SAMD12: variants seen among roughly 807,000 people sequenced by gnomAD.
The protein encoded by SAMD12 is sterile alpha motif domain-containing protein 12.
SAMD12 carries 9 observed loss-of-function variants against 15.0 expected under a neutral mutation model. That is an observed-to-expected ratio of 0.60 (90% confidence interval 0.36 to 1.05). SAMD12 has a LOEUF of 1.05. Ranked by LOEUF, SAMD12 falls within the 50% of genes least tolerant of loss-of-function variation. The pLI is 0.01. For missense variants in SAMD12, 230 were observed against 234.2 expected (o/e 0.98, Z 0.12); for synonymous variants, 86 against 90.1 (o/e 0.96, Z 0.25).
intron 4 of SAMD12, among the ~76,000 whole-genome samples, chr8:118,299,329 C>A (rs1022406965): frequency 2.6e-5 from 4 of 152,094 alleles, no homozygotes; most frequent in Admixed American, 6.6e-5. Flanking sequence ...AGAAAGCAGG[C>A]AGGTAAGAGA....
rs575875426 is a variant in SAMD12 at position 118,467,379 on chromosome 8, C to T, written c.193-27418G>A. 2.6e-5 allele frequency among the ~76,000 whole-genome samples: 4 copies of T among 152,300 alleles called. No individual in the cohort carries two copies. The South Asian group carries it at 8.3e-4, about 32-fold the overall frequency. ...AACTAAGTGATATAATCCACGTACA[C>T]TGCTTGGATTGATGCCTCCCACATA... On this transcript the variant is annotated intron_variant, in intron 2 of 3. Transcript: ENST00000314727.
chr8:118,338,181 C>T (rs1817177573), intron 4 of SAMD12, among the ~76,000 whole-genome samples: 3 of 152,182 alleles, frequency 2.0e-5, no homozygotes, highest in Non-Finnish European at 1.5e-5. Flanking sequence ...TAATGTATAA[C>T]TACTCTACAG....
At chr8:118,193,366 C>T (rs1427331757) in exon 5 of SAMD12, 1 of 152,172 alleles carries the variant, frequency 6.6e-6, no homozygotes, top group African/African-American at 2.4e-5. Flanking sequence ...CTCTCTTTTA[C>T]CTTGAAGCTA....
At chr8:118,482,460 A>AT (rs1491062645) in intron 2 of SAMD12, among the ~76,000 whole-genome samples, 2 of 151,066 alleles carry the variant, frequency 1.3e-5, no homozygotes, top group East Asian at 2.0e-4. Flanking sequence ...TGGACGGGAA[A>AT]TATATATTTT....
At position 118,256,037 on chromosome 8, in the gene SAMD12, C is replaced by G. The variant is rs971504495; in HGVS notation, c.434-58305G>C. 1.2e-3 allele frequency among the ~76,000 whole-genome samples: 181 copies of G among 152,186 alleles called. 1 individual carries two copies. The highest frequency in any genetic ancestry group is 2.6e-3 in the African/African-American group (109 of 41,548). On this transcript the variant is annotated intron_variant, in intron 4 of 4. Transcript: ENST00000409003. Reference sequence around the variant, plus strand: ...ACCTGTTGTTTCCTGACTTTTTAATCATTGCCATTCTAACTGGTGTGAGAT... The same window carrying G: ...ACCTGTTGTTTCCTGACTTTTTAATGATTGCCATTCTAACTGGTGTGAGAT...
intron 4 of SAMD12, among the ~76,000 whole-genome samples, chr8:118,297,235 T>C (rs1270857915): frequency 6.6e-6 from 1 of 152,236 alleles, no homozygotes; most frequent in Non-Finnish European, 1.5e-5. Context: ...GAACATCTTT[T>C]TGACAGTTGA....
At chr8:118,350,149 C>T (rs114000674) in intron 4 of SAMD12, among the ~76,000 whole-genome samples, 412 of 152,280 alleles carry the variant, frequency 2.7e-3, no homozygotes, top group African/African-American at 9.5e-3. Context: ...AGCCCTTCAC[C>T]TATTACCAGC....
intron 4 of SAMD12, among the ~76,000 whole-genome samples, chr8:118,259,464 G>A (rs553593435): frequency 2.0e-5 from 3 of 152,200 alleles, no homozygotes; most frequent in Admixed American, 6.5e-5. Context: ...CAGTGCACAG[G>A]TCAGGTCCTC....
At chr8:118,360,058 C>T (rs1449805620) in intron 4 of SAMD12, among the ~76,000 whole-genome samples, 1 of 152,186 alleles carries the variant, frequency 6.6e-6, no homozygotes, top group Non-Finnish European at 1.5e-5. Flanking sequence ...TCCTACCCTG[C>T]TCAGGAGATC....
chr8:118,477,522 C>G (rs1455481909), intron 2 of SAMD12, among the ~76,000 whole-genome samples: 1 of 152,164 alleles, frequency 6.6e-6, no homozygotes, highest in East Asian at 1.9e-4. Context: ...AAATTATTTA[C>G]TTTTTCCATT....
chr8:118,220,198 G>T (rs958871078), intron 4 of SAMD12, among the ~76,000 whole-genome samples: 6 of 152,200 alleles, frequency 3.9e-5, no homozygotes, highest in African/African-American at 1.4e-4. Flanking sequence ...CAGTGTGAGT[G>T]AACCTTTTGG....
chr8:118,217,841 G>A (rs553820271), intron 4 of SAMD12, among the ~76,000 whole-genome samples: 1 of 152,212 alleles, frequency 6.6e-6, no homozygotes, highest in South Asian at 2.1e-4. Context: ...CAGCTCTCCC[G>A]ATTTTTCTTA....
intron 2 of SAMD12, among the ~76,000 whole-genome samples, chr8:118,487,446 T>C (rs575668538): frequency 6.6e-6 from 1 of 152,294 alleles, no homozygotes; most frequent in South Asian, 2.1e-4. Context: ...AGAGTTCCCC[T>C]AGTCATATAA....
chr8:118,541,509 A>G (rs1240419016), intron 2 of SAMD12, among the ~76,000 whole-genome samples: 2 of 152,278 alleles, frequency 1.3e-5, no homozygotes, highest in East Asian at 3.9e-4. Flanking sequence ...TGCCAAAATT[A>G]CTTAAATGTG....
At chr8:118,510,215 C>T (rs1825037992) in intron 2 of SAMD12, among the ~76,000 whole-genome samples, 1 of 146,852 alleles carries the variant, frequency 6.8e-6, no homozygotes. Context: ...ACCCCCCCAC[C>T]ACACACACAC....
At chr8:118,547,599 A>G (rs1000101389) in intron 2 of SAMD12, among the ~76,000 whole-genome samples, 1 of 152,158 alleles carries the variant, frequency 6.6e-6, no homozygotes, top group East Asian at 1.9e-4. Flanking sequence ...GCAATGATCT[A>G]TCCACACTGC....
intron 4 of SAMD12, among the ~76,000 whole-genome samples, chr8:118,204,965 T>C (rs1488497391): frequency 1.3e-5 from 2 of 152,210 alleles, no homozygotes; most frequent in Non-Finnish European, 2.9e-5. Flanking sequence ...TGTCCAGATA[T>C]TTGGTTAAAC....
At chr8:118,482,751 G>T (rs972740591) in intron 2 of SAMD12, among the ~76,000 whole-genome samples, 40 of 152,250 alleles carry the variant, frequency 2.6e-4, no homozygotes, top group Middle Eastern at 3.4e-3. Context: ...TTTATTGCTT[G>T]CTTTAAAGCT....
intron 1 of SAMD12, among the ~76,000 whole-genome samples, chr8:118,603,937 C>A (rs1436792321): frequency 1.3e-5 from 2 of 152,040 alleles, no homozygotes; most frequent in Non-Finnish European, 2.9e-5. Context: ...AATTACTAAG[C>A]ATATTTTTAA....
Sources: allele counts gnomAD v4.1 joint callset (sites outside exome capture counted in the v4.1 genomes callset), GRCh38; gene constraint gnomAD v4.1.1; transcripts MANE v1.5; gene names NCBI Gene and HGNC (gene_info 2026-07-23, HGNC 2026-07-21).